The following ALDH4A1 variants were observed in gnomAD, a reference collection of about 807,000 sequenced individuals.
ALDH4A1 encodes the protein delta-1-pyrroline-5-carboxylate dehydrogenase, mitochondrial.
Under a neutral mutation model 70.5 loss-of-function variants are expected in ALDH4A1, and 46 were observed. The ratio of observed to expected loss-of-function variants is 0.65; its 90% CI spans 0.51 to 0.83. The LOEUF (loss-of-function observed/expected upper bound fraction) is 0.83. Among genes scored for constraint, ALDH4A1 ranks in the 40% least tolerant of loss-of-function variants. The pLI is 0.00. For missense variants in ALDH4A1, 749 were observed against 766.5 expected (o/e 0.98, Z 0.27); for synonymous variants, 323 against 324.3 (o/e 1.00, Z 0.04).
At chr1:18,873,443 T>C (rs578048800) in intron 14 of ALDH4A1, among the ~76,000 whole-genome samples, 53 of 152,276 alleles carry the variant, frequency 3.5e-4, no homozygotes, top group Non-Finnish European at 7.2e-4. Context: ...TCTTGCAGGA[T>C]GGCACTGATT....
Position 18,871,879 on chromosome 1 carries a change from AGAG to A in ALDH4A1, c.*963_*965del, listed in dbSNP as rs911538510. 49 of 152,436 alleles carry A rather than the reference AGAG, an allele frequency of 3.2e-4. No homozygotes were observed. The Middle Eastern group carries it at 0.01, about 32-fold the overall frequency. The allele number at this position is 152,436 out of a possible 1,614,324, so 9.4% of individuals were successfully genotyped here. A position where few individuals can be genotyped will look rare whatever the true frequency, so the allele number is the denominator to read the frequency against. ...GGTCCACACAGAGCCACTCCCAGGC[AGAG>A]GAGGATTCTACAGGCAACGTCCTCG... is the stretch of plus-strand genomic sequence containing the variant. On this transcript the variant is annotated 3_prime_UTR_variant, in exon 15 of 15. Coordinates refer to ENST00000375341, the MANE Select transcript of ALDH4A1 (RefSeq NM_003748.4).
rs1332221099 is a variant in ALDH4A1, at chr1:18,898,673, G to C, written c.62+3789C>G. 6.6e-6 allele frequency among the ~76,000 whole-genome samples: 1 copy of C among 152,146 alleles called. No homozygotes were observed. The highest frequency in any genetic ancestry group is 2.4e-5 in the African/African-American group (1 of 41,436). On this transcript the variant is annotated intron_variant, in intron 1 of 14. Transcript: ENST00000375341. The surrounding 1 kb of genome is among the most constrained non-coding windows in gnomAD (Gnocchi z 4.3). ...TTATTTTCCATATGAGAACATAAGGGAGCCCAGAGAGGGTGAGTAACCTGC... is the reference window on the plus strand; with the variant it reads ...TTATTTTCCATATGAGAACATAAGGCAGCCCAGAGAGGGTGAGTAACCTGC...
chr1:18,889,480 T>G, intron 2 of ALDH4A1, 26 bp from the exon 3 acceptor site: 1 of 1,540,260 alleles, frequency 6.5e-7, no homozygotes, highest in Non-Finnish European at 8.8e-7. Context: ...AGAGTGGGTA[T>G]GGTCACCGCC....
At chr1:18,902,315 AG>A (rs1247930311) in intron 1 of ALDH4A1, 146 bp downstream of exon 1, 7 of 551,518 alleles carry the variant, frequency 1.3e-5, no homozygotes, top group Admixed American at 8.9e-5. Context: ...TGGGGGTCGG[AG>A]GGGAGCCCCT....
chr1:18,875,535 A>G (rs1192328568), intron 12 of ALDH4A1, 32 bp from the exon 13 acceptor site: 4 of 1,613,576 alleles, frequency 2.5e-6, no homozygotes, highest in Middle Eastern at 3.3e-4. Context: ...CAGACCCTCC[A>G]CGGGACCAGG....
chr1:18,878,828 G>A (rs1934841508), intron 9 of ALDH4A1, among the ~76,000 whole-genome samples: 1 of 152,138 alleles, frequency 6.6e-6, no homozygotes, highest in Non-Finnish European at 1.5e-5. Context: ...ATGCCAACAA[G>A]GTCCAGCCCT....
In ALDH4A1 at chr1:18,874,489, T is replaced by A; in HGVS notation, c.1553A>T (p.Gln518Leu). The A allele has an allele frequency of 6.2e-7, 1 of 1,614,142 alleles. No homozygotes were observed. The highest frequency in any genetic ancestry group is 2.2e-5 in the East Asian group (1 of 44,870). The change falls in exon 14 of 15, where the codon CAG becomes CTG. Residue 518 changes from glutamine to leucine, a missense_variant. Coordinates refer to ENST00000375341, the MANE Select transcript of ALDH4A1 (RefSeq NM_003748.4). ...DKSTGSIVGQ[Q>L]PFGGARASGT... ...AGAGGCTCGGGCCCCCCCAAAGGGC[T>A]GCTGGCCCACTATCGAGCCAGTGGA...
intron 11 of ALDH4A1, 84 bp downstream of exon 11, chr1:18,877,123 TC>T: frequency 6.6e-7 from 1 of 1,524,478 alleles, no homozygotes; most frequent in Admixed American, 1.9e-5. Context: ...ATGCCCTGGG[TC>T]AGGGTACCCT....
chr1:18,875,529 C>A (rs6661040), intron 12 of ALDH4A1, 26 bp from the exon 13 acceptor site: 2 of 1,613,706 alleles, frequency 1.2e-6, no homozygotes, highest in Non-Finnish European at 1.7e-6. Flanking sequence ...CGGCGTCAGA[C>A]CCTCCACGGG....
rs559623923 is a variant in ALDH4A1, at chr1:18,885,691, C to G, written c.298-63G>C. The G allele has an allele frequency of 4.4e-6, 7 of 1,607,498 alleles. No individual in the cohort carries two copies. The East Asian group carries it at 1.3e-4, about 31-fold the overall frequency. ...AGCGGGAAAGGCCCTGGGGAGTGAG[C>G]GAGGGAGGAGAGACCTGGGAGGCCA... is the stretch of plus-strand genomic sequence containing the variant. On this transcript the variant is annotated intron_variant, in intron 4 of 14. Coordinates refer to ENST00000375341, the MANE Select transcript of ALDH4A1 (RefSeq NM_003748.4).
chr1:18,900,444 G>A lies in ALDH4A1; in HGVS notation c.62+2018C>T, dbSNP rs573468101. Among the ~76,000 whole-genome samples, 5 of 152,324 alleles carry A rather than the reference G, an allele frequency of 3.3e-5. No homozygotes were observed. In the South Asian group the frequency reaches 8.3e-4, roughly 25 times the overall value. On this transcript the variant is annotated intron_variant, in intron 1 of 14. Transcript: ENST00000375341. Reference sequence around the variant, plus strand: ...TCCTCTAGAGCACTGGCTCTCAACCGGAGGTGACTTTTGTCCCCCAGGTAA... The same window carrying A: ...TCCTCTAGAGCACTGGCTCTCAACCAGAGGTGACTTTTGTCCCCCAGGTAA...
rs200076678 is a variant in ALDH4A1 at position 18,877,208 on chromosome 1, C to A, written c.1185G>T (p.Lys395Asn). ...GTFFSAVIDA[K>N]SFARIKKWLE... Reference sequence around the variant, plus strand: ...GGAACGCCCACTTCCCACCCCGTACCTTGGCATCAATCACTGCAGAGAAGA... The same window carrying A: ...GGAACGCCCACTTCCCACCCCGTACATTGGCATCAATCACTGCAGAGAAGA... The change falls in exon 11 of 15, where the codon AAG becomes AAT. Residue 395 changes from lysine (K) to asparagine (N), a missense_variant and splice_region_variant. By Grantham distance (94) the Lys-to-Asn change is moderately conservative. Transcript: ENST00000375341. The A allele has an allele frequency of 1.7e-5, 27 of 1,608,378 alleles. No individual in the cohort carries two copies. The Admixed American group carries it at 4.5e-4, about 27-fold the overall frequency.
chr1:18,886,631 C>G (rs929821483), intron 3 of ALDH4A1, 120 bp from the exon 4 acceptor site: 1 of 1,082,786 alleles, frequency 9.2e-7, no homozygotes, highest in Non-Finnish European at 1.4e-6. Context: ...TGTCCCCCCT[C>G]CCCCGCTCCC....
At chr1:18,889,162 C>T (rs544918547) in intron 3 of ALDH4A1, among the ~76,000 whole-genome samples, 200 bp downstream of exon 3, 75 of 152,304 alleles carry the variant, frequency 4.9e-4, no homozygotes, top group Admixed American at 2.0e-3. Context: ...CACAGGATGC[C>T]GCTATGGGCT....
At chr1:18,873,809 G>A (rs967345779) in intron 14 of ALDH4A1, among the ~76,000 whole-genome samples, 1 of 152,210 alleles carries the variant, frequency 6.6e-6, no homozygotes, top group Non-Finnish European at 1.5e-5. Flanking sequence ...GGTTCCGTGA[G>A]CTGTTCTAAC....
intron 4 of ALDH4A1, 43 bp from the exon 5 acceptor site, chr1:18,885,671 GA>G: frequency 6.2e-7 from 1 of 1,612,862 alleles, no homozygotes; most frequent in Non-Finnish European, 8.5e-7. Context: ...CCTGCAGCGG[GA>G]AAGGCCCTGG....
chr1:18,876,325 A>G lies in ALDH4A1; in HGVS notation c.1328T>C (p.Ile443Thr). ...GCCCACCCCAGTCACCTCCTTCATG[A>G]TGGGCTCCTGAGGGTCCTTGCTCTC... ...IVESKDPQEPIMKEEIFGPVL... is the reference protein window; with the variant it reads ...IVESKDPQEPTMKEEIFGPVL... Residue 443 changes from isoleucine (I) to threonine (T), a missense_variant, in exon 12 of 15, where the codon ATC becomes ACC. Coordinates refer to ENST00000375341, the MANE Select transcript of ALDH4A1 (RefSeq NM_003748.4). The G allele has an allele frequency of 1.2e-6, 2 of 1,613,682 alleles. No individual in the cohort carries two copies. The highest frequency in any genetic ancestry group is 1.7e-6 in the Non-Finnish European group (2 of 1,179,944).
intron 5 of ALDH4A1, among the ~76,000 whole-genome samples, chr1:18,884,058 A>G (rs992316704): frequency 6.6e-6 from 1 of 152,224 alleles, no homozygotes; most frequent in East Asian, 1.9e-4. Flanking sequence ...CTTGGCACCC[A>G]AGGTCACTGG....
Position 18,872,693 on chromosome 1 carries a change from G to A in ALDH4A1, c.*152C>T. 1 of 648,508 alleles carries A rather than the reference G, an allele frequency of 1.5e-6. No homozygotes were observed. The highest frequency in any genetic ancestry group is 2.7e-6 in the Non-Finnish European group (1 of 366,500). 40.2% of individuals were successfully genotyped at this position (648,508 alleles called of 1,614,324 possible). The stretch of plus-strand genomic sequence containing the variant: ...AAACCAGAGCCTGAGGCATGGGAGA[G>A]GCCAGAATACAGTGGTAAGAAGGGA... On this transcript the variant is annotated 3_prime_UTR_variant, in exon 15 of 15. Transcript: ENST00000375341.
Sources: allele counts gnomAD v4.1 joint callset (sites outside exome capture counted in the v4.1 genomes callset), GRCh38; gene constraint gnomAD v4.1.1; non-coding constraint Gnocchi (gnomAD v3.1); transcripts MANE v1.5; gene names NCBI Gene and HGNC (gene_info 2026-07-23, HGNC 2026-07-21).